XIRP2: variants seen among roughly 807,000 people sequenced by gnomAD.
XIRP2 encodes xin actin-binding repeat-containing protein 2.
XIRP2 carries 236 observed loss-of-function variants against 277.0 expected under a neutral mutation model. The ratio of observed to expected loss-of-function variants is 0.85; its 90% confidence interval spans 0.77 to 0.95. The LOEUF (loss-of-function observed/expected upper bound fraction) is 0.95, where lower values mean the gene tolerates loss of function less well. Ranked by LOEUF, XIRP2 falls within the 40% of genes least tolerant of loss-of-function variation. XIRP2 has a pLI of 0.00. For synonymous variants in XIRP2, 1,490 were observed against 1,416.5 expected, an observed-to-expected ratio of 1.05 and a Z score of -1.17; for missense variants, 4,640 against 4,157.5, an observed-to-expected ratio of 1.12 and a Z score of -3.19.
intron 3 of XIRP2, among the ~76,000 whole-genome samples, chr2:167,138,918 T>C (rs1691633795): frequency 6.6e-6 from 1 of 151,776 alleles, no homozygotes; most frequent in East Asian, 2.0e-4. Flanking sequence ...AATACAAAAA[T>C]TAGCTGGGCA....
At chr2:167,126,619 A>C (rs1691214427) in intron 2 of XIRP2, among the ~76,000 whole-genome samples, 1 of 152,154 alleles carries the variant, frequency 6.6e-6, no homozygotes, top group Non-Finnish European at 1.5e-5. Context: ...CTCCACATTA[A>C]ACTCTGGCTC....
At chr2:167,183,120 C>A (rs1321506935) in intron 3 of XIRP2, among the ~76,000 whole-genome samples, 1 of 152,190 alleles carries the variant, frequency 6.6e-6, no homozygotes, top group Admixed American at 6.5e-5. Flanking sequence ...ATCAACTTAA[C>A]CTAAGAGGGA....
chr2:167,038,274 A>G (rs1477168589), intron 2 of XIRP2, among the ~76,000 whole-genome samples: 2 of 152,020 alleles, frequency 1.3e-5, no homozygotes, highest in Non-Finnish European at 2.9e-5. Context: ...TCTAATTTAT[A>G]TATTACTTTT....
chr2:166,923,735 C>G (rs1183761430), intron 2 of XIRP2, among the ~76,000 whole-genome samples: 3 of 152,058 alleles, frequency 2.0e-5, no homozygotes, highest in African/African-American at 7.2e-5. Flanking sequence ...CAGTTTTTTT[C>G]TACTGTCAGT....
intron 2 of XIRP2, among the ~76,000 whole-genome samples, chr2:166,916,959 T>A (rs568274387): frequency 7.2e-4 from 109 of 152,328 alleles, no homozygotes; most frequent in Non-Finnish European, 1.3e-3. Flanking sequence ...CAGCACCTAA[T>A]GAAATATAAA....
Position 167,228,158 on chromosome 2 carries a change from A to G in XIRP2, c.858+9858A>G, listed in dbSNP as rs113815772. 1.1e-3 allele frequency among the ~76,000 whole-genome samples: 165 copies of G among 152,266 alleles called. 1 individual carries two copies. The highest frequency in any genetic ancestry group is 3.8e-3 in the African/African-American group (157 of 41,562). On this transcript the variant is annotated intron_variant, in intron 5 of 10. Transcript: ENST00000409195. The stretch of plus-strand genomic sequence containing the variant: ...ATAATCAGACTGTCTTCTGTGTTCT[A>G]CTAACATGAATCACATTACATTATA...
chr2:166,955,352 C>G (rs1574111842), intron 2 of XIRP2, among the ~76,000 whole-genome samples: 2 of 151,592 alleles, frequency 1.3e-5, no homozygotes, highest in East Asian at 3.9e-4. Context: ...CATAAAATGT[C>G]CAGAAAAGGC....
intron 3 of XIRP2, among the ~76,000 whole-genome samples, chr2:167,160,185 C>T (rs1485324658): frequency 6.6e-6 from 1 of 151,986 alleles, no homozygotes. Flanking sequence ...TTTTAATGAG[C>T]TTTGTTTTGT....
rs577322688 is a variant in XIRP2 at position 167,115,900 on chromosome 2, T to C, written c.409-20009T>C. ...ACTTCCTTTTTGATCCATGGATTGTTTAGAAGTGTATTGTTTAAGTTTCCA... is the reference window on the plus strand; with the variant it reads ...ACTTCCTTTTTGATCCATGGATTGTCTAGAAGTGTATTGTTTAAGTTTCCA... On this transcript the variant is annotated intron_variant, in intron 2 of 10. Coordinates refer to ENST00000409195, the MANE Select transcript of XIRP2 (RefSeq NM_152381.6). Among the ~76,000 whole-genome samples, 27 of 152,334 alleles carry C rather than the reference T, an allele frequency of 1.8e-4. No homozygotes were observed. The South Asian group carries it at 5.4e-3, about 30-fold the overall frequency.
chr2:166,967,137 T>A (rs568211133), intron 2 of XIRP2, among the ~76,000 whole-genome samples: 215 of 151,964 alleles, frequency 1.4e-3, no homozygotes, highest in Non-Finnish European at 2.2e-3. Context: ...ATGAGAGTAG[T>A]GGGAAGAAAA....
chr2:167,132,484 CCTGATTATGTCATGTGTGCATGTGT>C (rs1380467279), intron 2 of XIRP2, among the ~76,000 whole-genome samples: 1 of 150,996 alleles, frequency 6.6e-6, no homozygotes, highest in East Asian at 2.0e-4. Flanking sequence ...ACATGGCAGA[CCTGATTATGTCATGTGTGCATGTGT>C]ATACACACAC....
intron 2 of XIRP2, among the ~76,000 whole-genome samples, chr2:167,074,154 A>T (rs945692069): frequency 6.6e-6 from 1 of 152,178 alleles, no homozygotes; most frequent in Non-Finnish European, 1.5e-5. Flanking sequence ...CTTTGTGGCA[A>T]GTCACTGATA....
intron 4 of XIRP2, among the ~76,000 whole-genome samples, chr2:167,213,460 G>C (rs927786973): frequency 6.6e-6 from 1 of 152,144 alleles, no homozygotes; most frequent in East Asian, 1.9e-4. Flanking sequence ...AAAAGAACTT[G>C]AGGACTGTGT....
intron 3 of XIRP2, among the ~76,000 whole-genome samples, chr2:167,146,436 G>A (rs1691866665): frequency 6.6e-6 from 1 of 151,820 alleles, no homozygotes; most frequent in Non-Finnish European, 1.5e-5. Flanking sequence ...AAGAGGCGGA[G>A]GTTGCAGTGA....
intron 3 of XIRP2, among the ~76,000 whole-genome samples, chr2:167,190,472 G>T (rs1693297119): frequency 6.6e-6 from 1 of 152,082 alleles, no homozygotes. Flanking sequence ...AGGGACTGGG[G>T]ACTAAGACCA....
chr2:167,249,364 G>A lies in XIRP2; in HGVS notation c.7972G>A (p.Glu2658Lys). ...ASEDKDKMKKEVLQSSRDIMQ... is the reference protein window; with the variant it reads ...ASEDKDKMKKKVLQSSRDIMQ... Reference sequence around the variant, plus strand: ...AGAAGACAAAGATAAGATGAAAAAGGAAGTTTTACAAAGCTCAAGGGACAT... The same window carrying A: ...AGAAGACAAAGATAAGATGAAAAAGAAAGTTTTACAAAGCTCAAGGGACAT... The change falls in exon 9 of 11, where the codon GAA becomes AAA. Residue 2658 changes from glutamate to lysine, a missense_variant. By Grantham distance (56) the Glu-to-Lys change is moderately conservative. Coordinates refer to ENST00000409195, the MANE Select transcript of XIRP2 (RefSeq NM_152381.6). The A allele has an allele frequency of 3.1e-6, 5 of 1,613,716 alleles. No individual in the cohort carries two copies. The highest frequency in any genetic ancestry group is 4.2e-6 in the Non-Finnish European group (5 of 1,179,828).
At chr2:167,006,461 G>A (rs978279493) in intron 2 of XIRP2, among the ~76,000 whole-genome samples, 4 of 151,138 alleles carry the variant, frequency 2.6e-5, no homozygotes, top group Admixed American at 6.6e-5. Context: ...TCTTTTTCAA[G>A]ACTGTTGTTG....
At chr2:166,937,932 G>A (rs1281237857) in intron 2 of XIRP2, among the ~76,000 whole-genome samples, 11 of 152,020 alleles carry the variant, frequency 7.2e-5, no homozygotes, top group African/African-American at 1.2e-4. Flanking sequence ...CTGTGGGATC[G>A]GTGGTGATAT....
chr2:167,057,958 T>C (rs1689078485), intron 2 of XIRP2, among the ~76,000 whole-genome samples: 1 of 151,976 alleles, frequency 6.6e-6, no homozygotes. Flanking sequence ...TCTAAGAAGT[T>C]TGAGTAGTCT....
Sources: gnomAD v4.1 joint callset for allele counts (sites outside exome capture counted in the v4.1 genomes callset) on GRCh38, gnomAD v4.1.1 for gene constraint, MANE v1.5 for transcripts, NCBI Gene and HGNC (gene_info 2026-07-23, HGNC 2026-07-21) for gene names.